HS1BP3: variants seen among roughly 807,000 people sequenced by gnomAD.
HS1BP3 encodes the protein HCLS1-binding protein 3.
A neutral mutation model predicts 33.5 loss-of-function variants in HS1BP3; 32 were observed. That is an observed-to-expected ratio of 0.95 (90% CI 0.72 to 1.28). The LOEUF (loss-of-function observed/expected upper bound fraction) is 1.28, where lower values mean the gene tolerates loss of function less well. Among genes scored for constraint, HS1BP3 ranks in the 50% most tolerant of loss-of-function variants. The pLI is 0.00. For synonymous variants in HS1BP3, 187 were observed against 209.2 expected (o/e 0.89, Z 0.92); for missense variants, 486 against 502.3 (o/e 0.97, Z 0.31).
At chr2:20,606,591 G>T in intron 2 of HS1BP3, 2 of 484,636 alleles carry the variant, frequency 4.1e-6, no homozygotes, top group Non-Finnish European at 4.1e-6. Context: ...TTGCTCACTG[G>T]GTCTTTGTCT....
At chr2:20,593,347 C>T (rs1693864247) in intron 3 of HS1BP3, among the ~76,000 whole-genome samples, 1 of 152,190 alleles carries the variant, frequency 6.6e-6, no homozygotes, top group African/African-American at 2.4e-5. Flanking sequence ...TGTTCATTGT[C>T]TCCCCTCCCC....
In HS1BP3 at chr2:20,624,856, C is replaced by A. The variant is rs1181825546; in HGVS notation, c.660G>T (p.Val220=). The change falls in exon 5 of 7, where the codon GTG becomes GTT. Residue 220 remains valine, a synonymous_variant. Coordinates refer to ENST00000304031, the MANE Select transcript of HS1BP3 (RefSeq NM_022460.4). The stretch of plus-strand genomic sequence containing the variant: ...TGAGCCGGGGCGAGGGCTTGGCTTT[C>A]ACGGCCACTTTGGGATGTTTCTTGG... The part of the protein sequence containing the change: ...KKPKKHPKVA[V]KAKPSPRLTI... 1 of 1,613,684 alleles carries A rather than the reference C, an allele frequency of 6.2e-7. No homozygotes were observed. The highest frequency in any genetic ancestry group is 8.5e-7 in the Non-Finnish European group (1 of 1,179,996).
chr2:20,638,652 C>T lies in HS1BP3; in HGVS notation c.407G>A (p.Gly136Asp), dbSNP rs1331186480. 3 of 1,612,160 alleles carry T rather than the reference C, an allele frequency of 1.9e-6. No individual in the cohort carries two copies. Among genetic ancestry groups the T allele is most frequent in the African/African-American group, 2.7e-5 (2 of 74,848 alleles). Residue 136 changes from glycine to aspartate, a missense_variant and splice_region_variant, in exon 4 of 7, where the codon GGT becomes GAT. Transcript: ENST00000304031. ...AGSPELLEFL[G>D]TRSPGAAGLT... is the part of the protein sequence containing the mutation. The stretch of plus-strand genomic sequence containing the variant: ...CCCTGCAGCCCCTGGGGATCTGGTA[C>T]CTGTGGAGGAAGACAGAAAAGAATG...
chr2:20,643,007 A>G (rs192666218), intron 2 of HS1BP3, among the ~76,000 whole-genome samples: 20 of 152,338 alleles, frequency 1.3e-4, no homozygotes, highest in African/African-American at 3.6e-4. Context: ...TTTATATTAA[A>G]ACACATATGC....
intron 2 of HS1BP3, among the ~76,000 whole-genome samples, chr2:20,643,509 G>A (rs912616924): frequency 6.6e-6 from 1 of 152,204 alleles, no homozygotes; most frequent in Non-Finnish European, 1.5e-5. Flanking sequence ...GAGCAATGCA[G>A]GCCCAGAATC....
intron 1 of HS1BP3, among the ~76,000 whole-genome samples, chr2:20,647,249 G>C (rs1159727327): frequency 6.6e-6 from 1 of 152,096 alleles, no homozygotes; most frequent in Non-Finnish European, 1.5e-5. Flanking sequence ...CCTTTTCCAG[G>C]GTCCCATTCC....
chr2:20,577,389 A>C (rs10166792), intron 5 of HS1BP3, among the ~76,000 whole-genome samples: 126,840 of 151,982 alleles, frequency 0.83, 54,422 homozygotes, highest in Non-Finnish European at 0.93. Context: ...TTGGCTGGGG[A>C]AGAGCATGAT....
downstream of HS1BP3, among the ~76,000 whole-genome samples, chr2:20,613,067 G>GCTCAGCCTCTCTGCAGCTTCTGATGT (rs1694347387): frequency 6.6e-6 from 1 of 152,178 alleles, no homozygotes; most frequent in African/African-American, 2.4e-5. Flanking sequence ...ACTGAGTCAA[G>GCTCAGCCTCTCTGCAGCTTCTGATGT]CTCAGCCTCT....
chr2:20,627,134 C>T (rs756520946), intron 4 of HS1BP3, among the ~76,000 whole-genome samples: 5 of 152,236 alleles, frequency 3.3e-5, no homozygotes, highest in African/African-American at 9.6e-5. Context: ...CCGCCCTTTG[C>T]GTGGCCCTTG....
chr2:20,563,152 T>C (rs730480), intron 5 of HS1BP3, among the ~76,000 whole-genome samples: 108,021 of 152,236 alleles, frequency 0.71, 42,272 homozygotes, highest in Non-Finnish European at 0.86. Flanking sequence ...GCTCAGGCCA[T>C]TGGGGGCTAC....
chr2:20,634,098 C>G (rs542067454), intron 4 of HS1BP3, among the ~76,000 whole-genome samples: 30 of 152,322 alleles, frequency 2.0e-4, no homozygotes, highest in Non-Finnish European at 3.2e-4. Context: ...GGTCAGCAGA[C>G]GAGGGAAAGC....
intron 5 of HS1BP3, among the ~76,000 whole-genome samples, chr2:20,570,528 A>T (rs1029631419): frequency 1.2e-4 from 19 of 152,208 alleles, no homozygotes; most frequent in Non-Finnish European, 1.5e-5. Flanking sequence ...GTATAAAGAC[A>T]AAAGAGAGCC....
At chr2:20,617,705 G>A (rs1019963468), downstream of HS1BP3, 1 of 152,266 alleles carries the variant, frequency 6.6e-6, no homozygotes, top group Non-Finnish European at 1.5e-5. Context: ...GGCAGGACAG[G>A]GCCAAGGAGC....
At chr2:20,645,550 T>C in intron 1 of HS1BP3, 45 bp from the exon 2 acceptor site, 2 of 1,563,136 alleles carry the variant, frequency 1.3e-6, no homozygotes, top group Non-Finnish European at 1.7e-6. Flanking sequence ...GTCAAGGCAG[T>C]AGGCTTCCCG....
intron 4 of HS1BP3, among the ~76,000 whole-genome samples, chr2:20,634,001 G>T (rs576424468): frequency 6.6e-6 from 1 of 152,256 alleles, no homozygotes; most frequent in Non-Finnish European, 1.5e-5. Context: ...CTGCACAGGT[G>T]CAGGGTGAGG....
At chr2:20,645,656 T>A (rs866334146) in intron 1 of HS1BP3, 151 bp from the exon 2 acceptor site, 41 of 742,322 alleles carry the variant, frequency 5.5e-5, no homozygotes, top group Middle Eastern at 3.9e-4. Flanking sequence ...AGGCCACCCA[T>A]CCCGCCACAC....
At chr2:20,634,182 C>A (rs905644434) in intron 4 of HS1BP3, among the ~76,000 whole-genome samples, 6 of 152,384 alleles carry the variant, frequency 3.9e-5, no homozygotes, top group East Asian at 1.9e-4. Context: ...TCCTCAGCCC[C>A]CTGTGGGCGG....
At chr2:20,628,327 T>A (rs964696657) in intron 4 of HS1BP3, among the ~76,000 whole-genome samples, 1 of 152,172 alleles carries the variant, frequency 6.6e-6, no homozygotes, top group Non-Finnish European at 1.5e-5. Flanking sequence ...AGGTGGCTTA[T>A]GCCTGTAATC....
At chr2:20,646,270 G>A (rs1695517238) in intron 1 of HS1BP3, among the ~76,000 whole-genome samples, 1 of 152,216 alleles carries the variant, frequency 6.6e-6, no homozygotes, top group Non-Finnish European at 1.5e-5. Flanking sequence ...ACCTCTGGCA[G>A]GACACGTGGG....
Sources: gnomAD v4.1 joint callset for allele counts (sites outside exome capture counted in the v4.1 genomes callset) on GRCh38, gnomAD v4.1.1 for gene constraint, MANE v1.5 for transcripts, NCBI Gene and HGNC (gene_info 2026-07-23, HGNC 2026-07-21) for gene names.